The following PTN variants were observed in gnomAD, a reference collection of about 807,000 sequenced individuals.
PTN encodes pleiotrophin, also known as heparin affin regulatory protein.
In PTN, 18 loss-of-function variants were observed where a neutral mutation model predicts 24.1. The ratio of observed to expected loss-of-function variants is 0.75; its 90% CI spans 0.52 to 1.11. The LOEUF (loss-of-function observed/expected upper bound fraction) is 1.11, where lower values mean the gene tolerates loss of function less well. PTN is among the 50% of genes least tolerant of loss of function. The probability of loss-of-function intolerance (pLI) is 0.00; values close to 1 mark genes in which losing one functional copy is unlikely to be tolerated. For missense variants in PTN, 163 were observed against 198.8 expected, an observed-to-expected ratio of 0.82 and a Z score of 1.08; for synonymous variants, 78 against 68.6, an observed-to-expected ratio of 1.14 and a Z score of -0.67.
chr7:137,300,461 G>C (rs1226998388), intron 1 of PTN, among the ~76,000 whole-genome samples: 15 of 151,918 alleles, frequency 9.9e-5, no homozygotes, highest in Admixed American at 9.8e-4. Context: ...GGAAGAAACT[G>C]ACAAACAAGC....
intron 1 of PTN, chr7:137,327,053 T>A (rs1013222941): frequency 1.3e-5 from 2 of 152,202 alleles, no homozygotes; most frequent in Non-Finnish European, 2.9e-5. Flanking sequence ...GGTAAAATTT[T>A]CACGGACGTG....
rs138157062 is a variant in PTN at position 137,312,474 on chromosome 7, G to A, written c.-2+30965C>T. ...TTTGCCTGGGTGGTTTATTCTGCCC[G>A]TTCACCTGATGCATACTTGCAATCT... is the stretch of plus-strand genomic sequence containing the variant. On this transcript the variant is annotated intron_variant, in intron 1 of 4. Coordinates refer to ENST00000348225, the MANE Select transcript of PTN (RefSeq NM_002825.7). 9.7e-4 allele frequency among the ~76,000 whole-genome samples: 148 copies of A among 152,316 alleles called. 1 individual carries two copies. Among genetic ancestry groups the A allele is most frequent in the African/African-American group, 3.2e-3 (131 of 41,560 alleles).
chr7:137,341,818 A>C (rs2128884418), intron 1 of PTN, among the ~76,000 whole-genome samples: 1 of 152,264 alleles, frequency 6.6e-6, no homozygotes, highest in Admixed American at 6.5e-5. Flanking sequence ...TTAAGGCCCA[A>C]GTTTCTTAAA....
intron 1 of PTN, among the ~76,000 whole-genome samples, chr7:137,332,502 A>G (rs1348659423): frequency 1.3e-5 from 2 of 152,222 alleles, no homozygotes; most frequent in East Asian, 3.8e-4. Flanking sequence ...ACATTATTCA[A>G]TAATGAAATG....
chr7:137,287,094 C>T (rs1218726167), intron 1 of PTN, among the ~76,000 whole-genome samples: 11 of 152,266 alleles, frequency 7.2e-5, no homozygotes, highest in South Asian at 6.2e-4. Flanking sequence ...TGAACGTAAT[C>T]ATCAGCTATC....
rs1585046174 is a variant in PTN, at chr7:137,326,594, C to T, written c.-2+16845G>A. 2.0e-5 allele frequency: 3 copies of T among 152,236 alleles called. No homozygotes were observed. In the South Asian group the frequency reaches 6.2e-4, roughly 32 times the overall value. The allele number at this position is 152,236 out of a possible 1,614,324, so 9.4% of individuals were successfully genotyped here. A position where few individuals can be genotyped will look rare whatever the true frequency, so the allele number is the denominator to read the frequency against. ...GGGGAGAGATAGTCATTTAAAGTAACTGTCATATAAGAATGAGTAAGCATT... is the reference window on the plus strand; with the variant it reads ...GGGGAGAGATAGTCATTTAAAGTAATTGTCATATAAGAATGAGTAAGCATT... On this transcript the variant is annotated intron_variant, in intron 1 of 4. Transcript: ENST00000348225.
At chr7:137,254,316 A>G (rs1475656266) in intron 2 of PTN, among the ~76,000 whole-genome samples, 1 of 151,966 alleles carries the variant, frequency 6.6e-6, no homozygotes, top group Non-Finnish European at 1.5e-5. Context: ...AAAAAGAAAT[A>G]ACAGTTGTCA....
intron 4 of PTN, among the ~76,000 whole-genome samples, chr7:137,238,008 C>T (rs994407645): frequency 4.6e-5 from 7 of 152,328 alleles, no homozygotes; most frequent in Non-Finnish European, 5.9e-5. Context: ...GACGCTAGAA[C>T]AATTTTACTT....
At position 137,343,506 on chromosome 7, in the gene PTN, T is replaced by G. The variant is rs752170879; in HGVS notation, c.-69A>C. 5.8e-6 allele frequency: 3 copies of G among 518,830 alleles called. No individual in the cohort carries two copies. The East Asian group carries it at 1.6e-4, about 28-fold the overall frequency. 32.1% of individuals were successfully genotyped at this position (518,830 alleles called of 1,614,324 possible). A position where few individuals can be genotyped will look rare whatever the true frequency, so the allele number is the denominator to read the frequency against. ...TTGCAAGGGGCGAGGTTGCTACCGC[T>G]GAGTCCAGGTACCCGGCTCGCTGCA... On this transcript the variant is annotated 5_prime_UTR_variant, in exon 1 of 5. Transcript: ENST00000348225.
intron 1 of PTN, among the ~76,000 whole-genome samples, chr7:137,304,243 G>C (rs1460798233): frequency 1.3e-5 from 2 of 151,690 alleles, no homozygotes; most frequent in East Asian, 3.9e-4. Flanking sequence ...CCAAGTACTT[G>C]CACAGTTACT....
At chr7:137,249,914 C>T (rs1808793827) in intron 4 of PTN, among the ~76,000 whole-genome samples, 1 of 152,148 alleles carries the variant, frequency 6.6e-6, no homozygotes, top group Admixed American at 6.5e-5. Context: ...ATGGACAACT[C>T]CAGCAGTGGC....
intron 1 of PTN, among the ~76,000 whole-genome samples, chr7:137,324,433 A>AAAAAAAAAATAT: frequency 1.0e-4 from 9 of 88,760 alleles, no homozygotes; most frequent in African/African-American, 4.8e-4. Context: ...AAAAAAAAAA[A>AAAAAAAAAATAT]ATATATATAT....
chr7:137,324,506 G>C (rs1585045319), intron 1 of PTN, among the ~76,000 whole-genome samples: 1 of 147,788 alleles, frequency 6.8e-6, no homozygotes, highest in Admixed American at 6.8e-5. Context: ...ATAAAGTATG[G>C]GGCACTTTAA....
At chr7:137,260,670 T>G (rs1483111619) in intron 1 of PTN, among the ~76,000 whole-genome samples, 1 of 152,154 alleles carries the variant, frequency 6.6e-6, no homozygotes, top group Non-Finnish European at 1.5e-5. Flanking sequence ...TGATTGCAAA[T>G]TCATGGTGCA....
At chr7:137,269,624 ATTTTTTT>A (rs869311084) in intron 1 of PTN, among the ~76,000 whole-genome samples, 21 of 63,008 alleles carry the variant, frequency 3.3e-4, no homozygotes, top group East Asian at 5.0e-4. Context: ...TGCTTCATCT[ATTTTTTT>A]TTTTTTTTTT....
At chr7:137,294,772 T>C in intron 1 of PTN, among the ~76,000 whole-genome samples, 1 of 152,156 alleles carries the variant, frequency 6.6e-6, no homozygotes, top group Non-Finnish European at 1.5e-5. Flanking sequence ...ATGTACGCCA[T>C]TTCCATTAGC....
At chr7:137,296,329 TATTCCTGGAGAA>T (rs1434233498) in intron 1 of PTN, among the ~76,000 whole-genome samples, 1 of 152,028 alleles carries the variant, frequency 6.6e-6, no homozygotes, top group African/African-American at 2.4e-5. Context: ...TAAAATACCA[TATTCCTGGAGAA>T]ATTCCAAAAC....
intron 1 of PTN, among the ~76,000 whole-genome samples, chr7:137,261,212 AT>A (rs1471303362): frequency 6.6e-6 from 1 of 152,002 alleles, no homozygotes; most frequent in African/African-American, 2.4e-5. Flanking sequence ...GTTCGTTTTG[AT>A]AATAACAAAT....
rs1809949427 is a variant in PTN at position 137,309,732 on chromosome 7, G to T, written c.-2+33707C>A. On this transcript the variant is annotated intron_variant, in intron 1 of 4. Coordinates refer to ENST00000348225, the MANE Select transcript of PTN (RefSeq NM_002825.7). Reference sequence around the variant, plus strand: ...TCCTCATCTGTTCAAGTTTGATCATGAGATTGCAGCAACTCAGCAATATTT... The same window carrying T: ...TCCTCATCTGTTCAAGTTTGATCATTAGATTGCAGCAACTCAGCAATATTT... Among the ~76,000 whole-genome samples, 4 of 152,118 alleles carry T rather than the reference G, an allele frequency of 2.6e-5. No homozygotes were observed. The South Asian group carries it at 8.3e-4, about 32-fold the overall frequency.
Sources: gnomAD v4.1 joint callset for allele counts (sites outside exome capture counted in the v4.1 genomes callset) on GRCh38, gnomAD v4.1.1 for gene constraint, MANE v1.5 for transcripts, NCBI Gene and HGNC (gene_info 2026-07-23, HGNC 2026-07-21) for gene names.